LEPR: variants seen among roughly 807,000 people sequenced by gnomAD.
The protein encoded by LEPR is OB receptor.
In LEPR, 56 loss-of-function variants were observed where a neutral mutation model predicts 114.7. The ratio of observed to expected loss-of-function variants is 0.49; its 90% confidence interval spans 0.39 to 0.61. The LOEUF is 0.61. Ranked by LOEUF, LEPR falls within the 20% of genes least tolerant of loss-of-function variation. LEPR has a pLI of 0.00. For synonymous variants in LEPR, 443 were observed against 461.4 expected (o/e 0.96, Z 0.51); for missense variants, 1,202 against 1,352.9 (o/e 0.89, Z 1.75).
intron 5 of LEPR, chr1:65,576,730 CAT>C (rs1654612194): frequency 1.0e-5 from 2 of 193,256 alleles, no homozygotes; most frequent in African/African-American, 2.4e-5. Flanking sequence ...TCCAGCCAGA[CAT>C]GTGCCAGCTG....
At chr1:65,634,897 G>A in intron 19 of LEPR, 1 of 829,736 alleles carries the variant, frequency 1.2e-6, no homozygotes, top group South Asian at 5.6e-5. Flanking sequence ...AACAGGCATA[G>A]GAACAGTTTT....
chr1:65,590,023 A>G (rs1655579951), intron 5 of LEPR, among the ~76,000 whole-genome samples: 1 of 151,928 alleles, frequency 6.6e-6, no homozygotes, highest in South Asian at 2.1e-4. Flanking sequence ...GAGCTGGCAT[A>G]TTAACCATAT....
At chr1:65,457,185 A>G (rs1367259793) in intron 2 of LEPR, among the ~76,000 whole-genome samples, 1 of 152,228 alleles carries the variant, frequency 6.6e-6, no homozygotes, top group Non-Finnish European at 1.5e-5. Flanking sequence ...GATACACATA[A>G]GATATATACA....
intron 19 of LEPR, among the ~76,000 whole-genome samples, chr1:65,625,743 T>C (rs1658167177): frequency 6.6e-6 from 1 of 152,114 alleles, no homozygotes; most frequent in Non-Finnish European, 1.5e-5. Flanking sequence ...GGCAGAGATG[T>C]GGTGTCCAGC....
chr1:65,431,456 A>G (rs1646483268), intron 2 of LEPR, among the ~76,000 whole-genome samples: 1 of 152,240 alleles, frequency 6.6e-6, no homozygotes, highest in Admixed American at 6.5e-5. Context: ...ATTTTCCATG[A>G]AAGAAGTTGA....
At chr1:65,634,767 G>A (rs1938497) in intron 19 of LEPR, 341,996 of 907,512 alleles carry the variant, frequency 0.38, 66,319 homozygotes, top group East Asian at 0.87. Flanking sequence ...TAATATGTAG[G>A]TTCATTTAAA....
At chr1:65,546,311 G>C (rs1482740418) in intron 2 of LEPR, among the ~76,000 whole-genome samples, 1 of 152,108 alleles carries the variant, frequency 6.6e-6, no homozygotes. Context: ...GGTTCCATGT[G>C]AACTTTAAAG....
intron 2 of LEPR, among the ~76,000 whole-genome samples, chr1:65,426,249 AT>A (rs1646364748): frequency 6.6e-6 from 1 of 152,156 alleles, no homozygotes; most frequent in Non-Finnish European, 1.5e-5. Flanking sequence ...GAAAGTGTAT[AT>A]AGCCTTTTCA....
chr1:65,457,811 C>T (rs1231843983), intron 2 of LEPR, among the ~76,000 whole-genome samples: 1 of 152,124 alleles, frequency 6.6e-6, no homozygotes, highest in Non-Finnish European at 1.5e-5. Context: ...AGACAGGCTA[C>T]AACAGAATCC....
chr1:65,573,743 G>A lies in LEPR; in HGVS notation c.494+1294G>A, dbSNP rs564197289. On this transcript the variant is annotated intron_variant, in intron 5 of 19. Transcript: ENST00000349533. ...AATGAATAGAGACAGAAAGTAAAGC[G>A]GGGCTGAGAGGAGGGGGAATTGGGG... is the stretch of plus-strand genomic sequence containing the variant. Among the ~76,000 whole-genome samples, 11 of 152,290 alleles carry A rather than the reference G, an allele frequency of 7.2e-5. No homozygotes were observed. In the South Asian group the frequency reaches 2.1e-3, roughly 29 times the overall value.
chr1:65,476,435 C>A (rs976954675), intron 2 of LEPR, among the ~76,000 whole-genome samples: 3 of 152,112 alleles, frequency 2.0e-5, no homozygotes, highest in Admixed American at 2.0e-4. Flanking sequence ...CCTCAGAACT[C>A]CCGGAGCTTG....
At chr1:65,495,843 A>T (rs568452868) in intron 2 of LEPR, among the ~76,000 whole-genome samples, 1 of 152,278 alleles carries the variant, frequency 6.6e-6, no homozygotes, top group African/African-American at 2.4e-5. Flanking sequence ...TATGGTAGCT[A>T]AAAAAGTTGA....
chr1:65,425,978 C>G (rs182836497), intron 2 of LEPR, among the ~76,000 whole-genome samples: 9 of 152,102 alleles, frequency 5.9e-5, no homozygotes, highest in African/African-American at 2.2e-4. Flanking sequence ...CATAAGAAAA[C>G]AAAGGTCCTG....
At position 65,639,757 on chromosome 1, in the gene LEPR, T is replaced by C. The variant is rs556262499; in HGVS notation, c.*2742T>C. On this transcript the variant is annotated 3_prime_UTR_variant, in exon 20 of 20. Coordinates refer to ENST00000349533, the MANE Select transcript of LEPR (RefSeq NM_002303.6). ...TGAAAGCAACTCAGAAATTAATAAT[T>C]TGTGCTGTGGCTTCAAGTTTAAATA... 1 of 152,312 alleles carries C rather than the reference T, an allele frequency of 6.6e-6. No homozygotes were observed. Among genetic ancestry groups the C allele is most frequent in the South Asian group, 2.1e-4 (1 of 4,826 alleles). The allele number at this position is 152,312 out of a possible 1,614,324, so 9.4% of individuals were successfully genotyped here.
Position 65,638,217 on chromosome 1 carries a change from G to GA in LEPR, c.*1208dup, listed in dbSNP as rs1398451648. 3.3e-5 allele frequency: 5 copies of GA among 152,002 alleles called. No individual in the cohort carries two copies. Among genetic ancestry groups the GA allele is most frequent in the African/African-American group, 9.7e-5 (4 of 41,390 alleles). 9.4% of individuals were successfully genotyped at this position (152,002 alleles called of 1,614,324 possible). A position where few individuals can be genotyped will look rare whatever the true frequency, so the allele number is the denominator to read the frequency against. On this transcript the variant is annotated 3_prime_UTR_variant, in exon 20 of 20. Coordinates refer to ENST00000349533, the MANE Select transcript of LEPR (RefSeq NM_002303.6). The stretch of plus-strand genomic sequence containing the variant: ...ACACAAAAATTAGCTGAGTGTGACA[G>GA]AAAAAATAAAGATTATAAAATGTAT...
intron 8 of LEPR, among the ~76,000 whole-genome samples, chr1:65,601,098 C>A (rs1380161905): frequency 6.6e-6 from 1 of 151,900 alleles, no homozygotes; most frequent in Admixed American, 6.6e-5. Flanking sequence ...TCCTGCCTAT[C>A]AGTTAGCAAG....
chr1:65,547,892 G>T (rs1651900960), intron 2 of LEPR, among the ~76,000 whole-genome samples: 1 of 140,344 alleles, frequency 7.1e-6, no homozygotes, highest in Non-Finnish European at 1.5e-5. Context: ...TCTTTTAATT[G>T]TGATGTTAGG....
At chr1:65,564,933 G>T (rs183731359) in intron 2 of LEPR, among the ~76,000 whole-genome samples, 18 of 152,268 alleles carry the variant, frequency 1.2e-4, no homozygotes, top group African/African-American at 3.6e-4. Context: ...AGGAAATCTT[G>T]TCTCTGAAGT....
rs376661341 is a variant in LEPR at position 65,434,134 on chromosome 1, A to G, written c.-21+8756A>G. On this transcript the variant is annotated intron_variant, in intron 2 of 19. Transcript: ENST00000349533. Reference sequence around the variant, plus strand: ...CTTTAGATTGATATAAAGTACTTGCATATAGAGTATTTGAAGTGATAGATT... The same window carrying G: ...CTTTAGATTGATATAAAGTACTTGCGTATAGAGTATTTGAAGTGATAGATT... 9.1e-6 allele frequency: 9 copies of G among 984,228 alleles called. 1 individual carries two copies. Among genetic ancestry groups the G allele is most frequent in the Non-Finnish European group, 2.4e-6 (2 of 828,830 alleles). 61.0% of individuals were successfully genotyped at this position (984,228 alleles called of 1,614,324 possible). A position where few individuals can be genotyped will look rare whatever the true frequency, so the allele number is the denominator to read the frequency against.
Sources: allele counts gnomAD v4.1 joint callset (sites outside exome capture counted in the v4.1 genomes callset), GRCh38; gene constraint gnomAD v4.1.1; transcripts MANE v1.5; gene names NCBI Gene and HGNC (gene_info 2026-07-23, HGNC 2026-07-21).